ACOXL: variants seen among roughly 807,000 people sequenced by gnomAD.
ACOXL encodes acyl-coenzyme A oxidase-like protein.
A neutral mutation model predicts 71.9 loss-of-function variants in ACOXL; 70 were observed. That is an observed-to-expected ratio of 0.97 (90% CI 0.80 to 1.19). The LOEUF is 1.19. Among genes scored for constraint, ACOXL ranks in the 50% most tolerant of loss-of-function variants. The pLI is 0.00. For synonymous variants in ACOXL, 253 were observed against 281.6 expected, an observed-to-expected ratio of 0.90 and a Z score of 1.02; for missense variants, 703 against 736.3, an observed-to-expected ratio of 0.95 and a Z score of 0.52.
intron 14 of ACOXL, among the ~76,000 whole-genome samples, chr2:111,018,893 A>G (rs2064602032): frequency 6.6e-6 from 1 of 152,130 alleles, no homozygotes; most frequent in African/African-American, 2.4e-5. Context: ...CAAACCCCTC[A>G]TGGGGTGGAT....
At chr2:111,012,971 CTA>C (rs2064237129) in intron 14 of ACOXL, among the ~76,000 whole-genome samples, 1 of 152,114 alleles carries the variant, frequency 6.6e-6, no homozygotes, top group African/African-American at 2.4e-5. Context: ...AGAAAACAAA[CTA>C]TAGAGCAAAT....
chr2:110,832,218 G>A (rs531223369), intron 9 of ACOXL, among the ~76,000 whole-genome samples: 1 of 152,066 alleles, frequency 6.6e-6, no homozygotes, highest in Admixed American at 6.5e-5. Flanking sequence ...ATTCTTAGAC[G>A]TATCACTAAG....
chr2:110,812,686 A>G, intron 9 of ACOXL, among the ~76,000 whole-genome samples: 1 of 152,272 alleles, frequency 6.6e-6, no homozygotes, highest in East Asian at 1.9e-4. Flanking sequence ...GCTAGAGAGA[A>G]GTGCAGCCAG....
chr2:110,986,667 A>T (rs2062947681), intron 12 of ACOXL, among the ~76,000 whole-genome samples: 1 of 152,240 alleles, frequency 6.6e-6, no homozygotes, highest in Non-Finnish European at 1.5e-5. Flanking sequence ...GAAGTAGAAG[A>T]TAGAGATTGA....
rs1315085098 is a variant in ACOXL, at chr2:110,915,428, A to ATATTTTTTT, written c.905+6524_905+6525insATTTTTTTT. On this transcript the variant is annotated intron_variant, in intron 11 of 17. Coordinates refer to ENST00000439055, the MANE Select transcript of ACOXL (RefSeq NM_001142807.4). ...TATACATATATATATATATATATAT[A>ATATTTTTTT]TTTTTTTTTTTTTGAGATGGAGTCT... Among the ~76,000 whole-genome samples the ATATTTTTTT allele has an allele frequency of 1.1e-3, 114 of 107,986 alleles. 1 individual carries two copies. The highest frequency in any genetic ancestry group is 3.8e-3 in the African/African-American group (106 of 28,026). The allele number at this position is 107,986 out of a possible 152,430, so 70.8% of individuals were successfully genotyped here. A position where few individuals can be genotyped will look rare whatever the true frequency, so the allele number is the denominator to read the frequency against.
chr2:110,938,883 G>A (rs1376406195), intron 12 of ACOXL, among the ~76,000 whole-genome samples: 3 of 151,726 alleles, frequency 2.0e-5, no homozygotes, highest in Admixed American at 2.0e-4. Context: ...TACTTTTGGA[G>A]GGAGAAAGAA....
At chr2:110,855,892 G>A (rs950923241) in intron 10 of ACOXL, among the ~76,000 whole-genome samples, 2 of 152,186 alleles carry the variant, frequency 1.3e-5, no homozygotes, top group African/African-American at 4.8e-5. Context: ...TCCACAGGGT[G>A]GAAGGGGACC....
chr2:110,856,242 T>G (rs1246022164), intron 10 of ACOXL, among the ~76,000 whole-genome samples: 3 of 152,160 alleles, frequency 2.0e-5, no homozygotes, highest in Non-Finnish European at 4.4e-5. Context: ...TCCAGCTGGC[T>G]TCACCTCTCA....
chr2:110,816,443 C>CA (rs1384802210), intron 9 of ACOXL, among the ~76,000 whole-genome samples: 1 of 152,160 alleles, frequency 6.6e-6, no homozygotes, highest in African/African-American at 2.4e-5. Flanking sequence ...AAAAGAAAAA[C>CA]AAGCACTTTC....
chr2:110,933,737 T>G (rs1171370629), intron 12 of ACOXL, 95 bp downstream of exon 12: 9 of 1,423,820 alleles, frequency 6.3e-6, no homozygotes, highest in Non-Finnish European at 8.3e-6. Flanking sequence ...CTTCAGAGTC[T>G]AATAGAAATC....
chr2:111,070,235 G>T (rs1273257684), intron 16 of ACOXL, among the ~76,000 whole-genome samples: 1 of 152,136 alleles, frequency 6.6e-6, no homozygotes, highest in Non-Finnish European at 1.5e-5. Context: ...CAATAGCAAG[G>T]ACATGGAATC....
At chr2:110,840,884 T>C (rs1231869577) in intron 9 of ACOXL, among the ~76,000 whole-genome samples, 1 of 152,206 alleles carries the variant, frequency 6.6e-6, no homozygotes, top group Non-Finnish European at 1.5e-5. Flanking sequence ...ATAGGGAGAC[T>C]CTGGCCCAGG....
chr2:111,024,663 G>T (rs2064934682), intron 14 of ACOXL, among the ~76,000 whole-genome samples: 2 of 152,032 alleles, frequency 1.3e-5, no homozygotes, highest in South Asian at 4.1e-4. Flanking sequence ...CTGTTCTCAA[G>T]GTCACATGGT....
chr2:110,978,132 T>G (rs2149513490), intron 12 of ACOXL, among the ~76,000 whole-genome samples: 1 of 152,286 alleles, frequency 6.6e-6, no homozygotes, highest in African/African-American at 2.4e-5. Context: ...CACTAAGTAA[T>G]TGATAAAGAA....
chr2:110,951,345 T>C (rs1219528507), intron 12 of ACOXL, among the ~76,000 whole-genome samples: 1 of 152,264 alleles, frequency 6.6e-6, no homozygotes, highest in Non-Finnish European at 1.5e-5. Context: ...ACGATCTGTT[T>C]GTAGTTCTTT....
At chr2:110,846,647 A>ACG (rs1559338265) in intron 10 of ACOXL, among the ~76,000 whole-genome samples, 1 of 148,924 alleles carries the variant, frequency 6.7e-6, no homozygotes. Flanking sequence ...ACACGCACAC[A>ACG]CACACACACA....
intron 17 of ACOXL, among the ~76,000 whole-genome samples, chr2:111,095,390 T>C (rs963723469): frequency 1.6e-5 from 2 of 126,030 alleles, no homozygotes; most frequent in African/African-American, 5.6e-5. Context: ...TTTTTCTTTT[T>C]CTTTTTTTTT....
Position 111,108,260 on chromosome 2 carries a change from GAGATA to G in ACOXL, c.1543-9353_1543-9349del, listed in dbSNP as rs2069683165. Reference sequence around the variant, plus strand: ...TTTTTGTTATCCTTACTTGACAAAAGAGATAAGTTGGCAATCTCATGTTGGTTCCC... The same window carrying G: ...TTTTTGTTATCCTTACTTGACAAAAGAGTTGGCAATCTCATGTTGGTTCCC... On this transcript the variant is annotated intron_variant, in intron 17 of 17. Transcript: ENST00000439055. Among the ~76,000 whole-genome samples, 3 of 151,356 alleles carry G rather than the reference GAGATA, an allele frequency of 2.0e-5. No individual in the cohort carries two copies. In the South Asian group the frequency reaches 6.3e-4, roughly 32 times the overall value.
At chr2:111,012,491 A>G (rs1037452540) in intron 14 of ACOXL, among the ~76,000 whole-genome samples, 2 of 152,212 alleles carry the variant, frequency 1.3e-5, no homozygotes, top group African/African-American at 4.8e-5. Context: ...ATCTAATTCA[A>G]TCTTCTTGAT....
Sources: allele counts gnomAD v4.1 joint callset (sites outside exome capture counted in the v4.1 genomes callset), GRCh38; gene constraint gnomAD v4.1.1; transcripts MANE v1.5; gene names NCBI Gene and HGNC (gene_info 2026-07-23, HGNC 2026-07-21).